Variants in CCBE1 observed in about 807,000 individuals in gnomAD.
CCBE1 encodes the protein collagen and calcium-binding EGF domain-containing protein 1.
CCBE1 carries 37 observed loss-of-function variants against 50.0 expected under a neutral mutation model. That is an observed-to-expected ratio of 0.74 (90% CI 0.57 to 0.97). The LOEUF (loss-of-function observed/expected upper bound fraction) is 0.97. Ranked by LOEUF, CCBE1 falls within the 50% of genes least tolerant of loss-of-function variation. The pLI is 0.00. For missense variants in CCBE1, 538 were observed against 523.8 expected, an observed-to-expected ratio of 1.03 and a Z score of -0.26; for synonymous variants, 234 against 203.7, an observed-to-expected ratio of 1.15 and a Z score of -1.27.
intron 2 of CCBE1, among the ~76,000 whole-genome samples, chr18:59,678,968 C>A (rs942553535): frequency 2.0e-5 from 3 of 152,148 alleles, no homozygotes; most frequent in Admixed American, 2.0e-4. Flanking sequence ...TACAAATATA[C>A]ATATAAAAAT....
chr18:59,469,902 C>T (rs767012884), intron 3 of CCBE1, among the ~76,000 whole-genome samples: 5 of 152,170 alleles, frequency 3.3e-5, no homozygotes, highest in Non-Finnish European at 5.9e-5. Flanking sequence ...CCAGCCTCTG[C>T]GGATTCCCTC....
chr18:59,457,686 T>C (rs899198771), intron 5 of CCBE1, among the ~76,000 whole-genome samples: 1 of 152,206 alleles, frequency 6.6e-6, no homozygotes, highest in Admixed American at 6.5e-5. Context: ...GGCGACTTCC[T>C]GAAGGTCACC....
intron 3 of CCBE1, among the ~76,000 whole-genome samples, chr18:59,477,559 T>C (rs1348192975): frequency 2.6e-5 from 4 of 151,944 alleles, no homozygotes; most frequent in African/African-American, 9.7e-5. Context: ...TGTGTGTGTG[T>C]GTGTGTGCAC....
At chr18:59,471,897 G>A (rs891939538) in intron 3 of CCBE1, among the ~76,000 whole-genome samples, 3 of 152,202 alleles carry the variant, frequency 2.0e-5, no homozygotes, top group East Asian at 1.9e-4. Context: ...GCTGCAAGCC[G>A]GGCATGGTGG....
At chr18:59,532,074 C>CT (rs1288359873) in intron 2 of CCBE1, among the ~76,000 whole-genome samples, 9 of 151,704 alleles carry the variant, frequency 5.9e-5, no homozygotes, top group East Asian at 5.8e-4. Flanking sequence ...AATGTTCTTA[C>CT]TTTTTTTTTG....
intron 2 of CCBE1, among the ~76,000 whole-genome samples, chr18:59,565,394 T>A (rs1366756387): frequency 2.9e-5 from 3 of 104,888 alleles, no homozygotes; most frequent in Admixed American, 1.6e-4. Context: ...CTGTGTTGGG[T>A]CCACAGCAAG....
intron 2 of CCBE1, among the ~76,000 whole-genome samples, chr18:59,504,896 A>G (rs1339704908): frequency 6.6e-6 from 1 of 152,064 alleles, no homozygotes; most frequent in Non-Finnish European, 1.5e-5. Flanking sequence ...TGGCCTCATG[A>G]AGGTCACAGG....
At chr18:59,664,699 A>G (rs1179375137) in intron 2 of CCBE1, among the ~76,000 whole-genome samples, 1 of 152,226 alleles carries the variant, frequency 6.6e-6, no homozygotes, top group African/African-American at 2.4e-5. Context: ...ACTTTCAGCA[A>G]CATGAGAGTC....
intron 2 of CCBE1, among the ~76,000 whole-genome samples, chr18:59,569,183 T>C (rs576648361): frequency 5.4e-4 from 82 of 152,324 alleles, no homozygotes; most frequent in South Asian, 1.0e-3. Context: ...TCTAGAAAGC[T>C]ATAGCATCTG....
Position 59,463,674 on chromosome 18 carries a change from G to A in CCBE1, c.553+3065C>T, listed in dbSNP as rs897680961. On this transcript the variant is annotated intron_variant, in intron 5 of 10. Transcript: ENST00000439986. Reference sequence around the variant, plus strand: ...TCACAGGCAGGAACTCCTTGTGGGCGGGGCCAGGTCCTATTATTTCTATAT... The same window carrying A: ...TCACAGGCAGGAACTCCTTGTGGGCAGGGCCAGGTCCTATTATTTCTATAT... Among the ~76,000 whole-genome samples, 15 of 152,200 alleles carry A rather than the reference G, an allele frequency of 9.9e-5. No individual in the cohort carries two copies. The South Asian group carries it at 1.0e-3, about 11-fold the overall frequency.
In CCBE1 at chr18:59,672,463, G is replaced by A. The variant is rs534494839; in HGVS notation, c.212+24166C>T. Among the ~76,000 whole-genome samples, 26 of 152,306 alleles carry A rather than the reference G, an allele frequency of 1.7e-4. 1 individual carries two copies. The highest frequency in any genetic ancestry group is 1.7e-3 in the South Asian group (8 of 4,816). ...CTGCTTCTGTCTCTGCACTTGGAATGCTTATACACCATAAACAGATGCCCT... is the reference window on the plus strand; with the variant it reads ...CTGCTTCTGTCTCTGCACTTGGAATACTTATACACCATAAACAGATGCCCT... On this transcript the variant is annotated intron_variant, in intron 2 of 10. Transcript: ENST00000439986.
intron 3 of CCBE1, among the ~76,000 whole-genome samples, chr18:59,470,125 G>T (rs111714901): frequency 6.2e-4 from 95 of 152,312 alleles, no homozygotes; most frequent in Middle Eastern, 3.4e-3. Context: ...ACATACCTGA[G>T]ACTGGGTAAT....
At chr18:59,682,983 A>G (rs1025109889) in intron 2 of CCBE1, among the ~76,000 whole-genome samples, 4 of 152,242 alleles carry the variant, frequency 2.6e-5, no homozygotes, top group African/African-American at 9.6e-5. Flanking sequence ...GAAATTATCA[A>G]ATAATCCCTC....
At chr18:59,672,017 G>A (rs756739411) in intron 2 of CCBE1, among the ~76,000 whole-genome samples, 28 of 152,190 alleles carry the variant, frequency 1.8e-4, no homozygotes, top group Non-Finnish European at 1.0e-4. Flanking sequence ...AGCCATGGAC[G>A]TGGAGACTGT....
intron 2 of CCBE1, among the ~76,000 whole-genome samples, chr18:59,565,141 T>C (rs3097389): frequency 0.066 from 10,020 of 152,218 alleles, 453 homozygotes; most frequent in African/African-American, 0.13. Context: ...AGGAGTCCAC[T>C]CTGGAGTCTG....
At chr18:59,528,412 G>A (rs1388553203) in intron 2 of CCBE1, among the ~76,000 whole-genome samples, 1 of 152,152 alleles carries the variant, frequency 6.6e-6, no homozygotes, top group African/African-American at 2.4e-5. Context: ...GTTAGAAGAT[G>A]CTCCTTTAGC....
chr18:59,431,811 A>T lies in CCBE1; in HGVS notation c.*4097T>A, dbSNP rs1299261447. The T allele has an allele frequency of 6.6e-6, 1 of 152,250 alleles. No individual in the cohort carries two copies. Among genetic ancestry groups the T allele is most frequent in the Non-Finnish European group, 1.5e-5 (1 of 68,068 alleles). The allele number at this position is 152,250 out of a possible 1,614,324, so 9.4% of individuals were successfully genotyped here. Reference sequence around the variant, plus strand: ...CTTTGGTCAATGAATCCAATGGCAGATGTCGGGCATTAACTCAGAAGGTGA... The same window carrying T: ...CTTTGGTCAATGAATCCAATGGCAGTTGTCGGGCATTAACTCAGAAGGTGA... On this transcript the variant is annotated 3_prime_UTR_variant, in exon 11 of 11. Transcript: ENST00000439986.
chr18:59,643,704 C>G (rs981087261), intron 2 of CCBE1, among the ~76,000 whole-genome samples: 7 of 152,148 alleles, frequency 4.6e-5, no homozygotes, highest in Non-Finnish European at 8.8e-5. Flanking sequence ...ACCTGTAATC[C>G]CAGCTACTCA....
chr18:59,665,032 A>C (rs957633143), intron 2 of CCBE1, among the ~76,000 whole-genome samples: 1 of 152,094 alleles, frequency 6.6e-6, no homozygotes, highest in Non-Finnish European at 1.5e-5. Context: ...CTTTGACTTC[A>C]AACAGGACCC....
Sources: allele counts gnomAD v4.1 joint callset (sites outside exome capture counted in the v4.1 genomes callset), GRCh38; gene constraint gnomAD v4.1.1; transcripts MANE v1.5; gene names NCBI Gene and HGNC (gene_info 2026-07-23, HGNC 2026-07-21).